The following LRP1B variants were observed in gnomAD, a reference collection of about 807,000 sequenced individuals.
LRP1B encodes the protein LDL receptor related protein 1B.
Under a neutral mutation model 556.6 loss-of-function variants are expected in LRP1B, and 217 were observed. That is an observed-to-expected ratio of 0.39 (90% CI 0.35 to 0.44). The LOEUF (loss-of-function observed/expected upper bound fraction) is 0.44, where lower values mean the gene tolerates loss of function less well. LRP1B is among the 20% of genes least tolerant of loss of function. The pLI, the probability that LRP1B is intolerant of heterozygous loss-of-function variation, is 1.00. For missense variants in LRP1B, 5,053 were observed against 5,620.8 expected (o/e 0.90, Z 3.23); for synonymous variants, 2,047 against 1,865.8 (o/e 1.10, Z -2.50).
At chr2:140,461,840 T>TAA (rs200954050) in intron 60 of LRP1B, among the ~76,000 whole-genome samples, 33 of 146,456 alleles carry the variant, frequency 2.3e-4, no homozygotes, top group African/African-American at 7.8e-4. Flanking sequence ...TCTCAAAAAA[T>TAA]AAAAAAAAAA....
At chr2:140,451,786 CTT>C (rs1028250422) in intron 62 of LRP1B, among the ~76,000 whole-genome samples, 4 of 150,446 alleles carry the variant, frequency 2.7e-5, no homozygotes, top group African/African-American at 7.3e-5. Flanking sequence ...TTTTGGCTGA[CTT>C]ATAAAAAATG....
chr2:141,185,700 A>C (rs908818958), intron 7 of LRP1B, among the ~76,000 whole-genome samples: 49 of 150,778 alleles, frequency 3.2e-4, no homozygotes, highest in South Asian at 4.2e-4. Flanking sequence ...AAAAAAACAA[A>C]AAAAAAAACA....
At chr2:140,373,268 G>C in intron 68 of LRP1B, 131 bp from the exon 69 acceptor site, 2 of 745,432 alleles carry the variant, frequency 2.7e-6, no homozygotes, top group Non-Finnish European at 4.3e-6. Context: ...CAACTTCTCT[G>C]TCAAAAACAA....
intron 3 of LRP1B, among the ~76,000 whole-genome samples, chr2:141,256,553 G>A (rs1485146304): frequency 1.3e-5 from 2 of 151,968 alleles, no homozygotes; most frequent in African/African-American, 4.8e-5. Context: ...GAGAAAGATA[G>A]TAAAGGAAGA....
At chr2:141,483,108 C>G (rs1682984994) in intron 2 of LRP1B, among the ~76,000 whole-genome samples, 1 of 119,768 alleles carries the variant, frequency 8.3e-6, no homozygotes, top group African/African-American at 3.1e-5. Context: ...TGCTATCCCT[C>G]CCCCTCCCCC....
At chr2:140,303,237 T>G (rs2105012058) in intron 83 of LRP1B, among the ~76,000 whole-genome samples, 1 of 151,778 alleles carries the variant, frequency 6.6e-6, no homozygotes, top group African/African-American at 2.4e-5. Flanking sequence ...AAACTCTTTT[T>G]TATTTGTTTG....
At chr2:141,781,117 C>T (rs1311266532) in intron 2 of LRP1B, among the ~76,000 whole-genome samples, 7 of 152,018 alleles carry the variant, frequency 4.6e-5, no homozygotes, top group Admixed American at 3.9e-4. Context: ...GCCTATTTCT[C>T]CATTTTTCCT....
chr2:141,975,875 C>A (rs1322431065), intron 1 of LRP1B, among the ~76,000 whole-genome samples: 1 of 152,028 alleles, frequency 6.6e-6, no homozygotes, highest in Non-Finnish European at 1.5e-5. Context: ...GATTTTTATT[C>A]CCTTCTCAGT....
chr2:140,338,688 CA>C (rs1311481872), intron 77 of LRP1B, among the ~76,000 whole-genome samples: 1 of 151,474 alleles, frequency 6.6e-6, no homozygotes, highest in Non-Finnish European at 1.5e-5. Flanking sequence ...GGAGAGTTAC[CA>C]AAATCAATCA....
chr2:142,123,656 T>G (rs1707536175), intron 1 of LRP1B, among the ~76,000 whole-genome samples: 1 of 113,126 alleles, frequency 8.8e-6, no homozygotes, highest in South Asian at 2.4e-4. Flanking sequence ...CTTCAAGAAG[T>G]TTTTTTTTTT....
At chr2:140,821,937 T>C (rs1454651204) in intron 31 of LRP1B, among the ~76,000 whole-genome samples, 1 of 151,830 alleles carries the variant, frequency 6.6e-6, no homozygotes, top group Non-Finnish European at 1.5e-5. Flanking sequence ...GAGGCAGAAG[T>C]TGCAGTGAGA....
intron 20 of LRP1B, among the ~76,000 whole-genome samples, chr2:140,924,129 T>C (rs1327970627): frequency 2.0e-5 from 3 of 152,016 alleles, no homozygotes; most frequent in Non-Finnish European, 4.4e-5. Context: ...TTGATATATA[T>C]AATTATGATT....
chr2:141,584,481 T>C lies in LRP1B; in HGVS notation c.206-103948A>G, dbSNP rs561648960. Among the ~76,000 whole-genome samples the C allele has an allele frequency of 2.0e-5, 3 of 152,312 alleles. No individual in the cohort carries two copies. In the East Asian group the frequency reaches 5.8e-4, roughly 29 times the overall value. ...GACGGAACACAGCCTATTCCTATTT[T>C]AGCCACAAGAAATATTTCATAATTT... On this transcript the variant is annotated intron_variant, in intron 2 of 90. Coordinates refer to ENST00000389484, the MANE Select transcript of LRP1B (RefSeq NM_018557.3).
At chr2:142,019,092 T>C (rs1703247790) in intron 1 of LRP1B, among the ~76,000 whole-genome samples, 1 of 152,338 alleles carries the variant, frequency 6.6e-6, no homozygotes, top group Middle Eastern at 3.4e-3. Flanking sequence ...CAGAACTTTT[T>C]TAGCTAGCCT....
chr2:142,018,055 G>C (rs1703209034), intron 1 of LRP1B, among the ~76,000 whole-genome samples: 3 of 151,116 alleles, frequency 2.0e-5, no homozygotes, highest in Admixed American at 2.0e-4. Flanking sequence ...GTCATTTGTA[G>C]TATAAATAAT....
intron 22 of LRP1B, among the ~76,000 whole-genome samples, chr2:140,903,755 A>T (rs1342608278): frequency 1.3e-5 from 2 of 151,392 alleles, no homozygotes; most frequent in East Asian, 3.9e-4. Flanking sequence ...TGCCTCATAT[A>T]TTGGTTATTA....
intron 84 of LRP1B, among the ~76,000 whole-genome samples, chr2:140,282,703 C>T (rs1276941774): frequency 6.6e-6 from 1 of 151,802 alleles, no homozygotes; most frequent in Non-Finnish European, 1.5e-5. Flanking sequence ...AGCTCAGGGA[C>T]ACAAGCTGGC....
rs200837759 is a variant in LRP1B at position 141,384,224 on chromosome 2, G to GA, written c.343+96171dup. Among the ~76,000 whole-genome samples the GA allele has an allele frequency of 2.2e-3, 333 of 149,986 alleles. 3 individuals carry two copies. The highest frequency in any genetic ancestry group is 4.8e-3 in the African/African-American group (196 of 41,018). On this transcript the variant is annotated intron_variant, in intron 3 of 90. Coordinates refer to ENST00000389484, the MANE Select transcript of LRP1B (RefSeq NM_018557.3). ...CAAAGACGTTAAAAAGTGAAAACAG[G>GA]AAAAAAAAATGTTAAAAGGAGTACT...
At position 141,562,638 on chromosome 2, in the gene LRP1B, G is replaced by T. The variant is rs1483151; in HGVS notation, c.206-82105C>A. Among the ~76,000 whole-genome samples, 399 of 152,010 alleles carry T rather than the reference G, an allele frequency of 2.6e-3. 2 individuals carry two copies. Among genetic ancestry groups the T allele is most frequent in the African/African-American group, 9.2e-3 (381 of 41,480 alleles). The stretch of plus-strand genomic sequence containing the variant: ...TGCAAGGGTATTCCAGGCAGAGAAA[G>T]TTGCACAACCGCTGGCTTCACTCCG... On this transcript the variant is annotated intron_variant, in intron 2 of 90. Transcript: ENST00000389484.
Sources: gnomAD v4.1 joint callset for allele counts (sites outside exome capture counted in the v4.1 genomes callset) on GRCh38, gnomAD v4.1.1 for gene constraint, MANE v1.5 for transcripts, NCBI Gene and HGNC (gene_info 2026-07-23, HGNC 2026-07-21) for gene names.